Variants in SLC19A2 observed in about 807,000 individuals in gnomAD.
SLC19A2 encodes the protein thiamine transporter 1.
SLC19A2 carries 27 observed loss-of-function variants against 44.7 expected under a neutral mutation model. That is an observed-to-expected ratio of 0.60 (90% CI 0.45 to 0.83). The LOEUF is 0.83. Among genes scored for constraint, SLC19A2 ranks in the 40% least tolerant of loss-of-function variants. The pLI is 0.00. For synonymous variants in SLC19A2, 239 were observed against 243.6 expected (o/e 0.98, Z 0.18); for missense variants, 566 against 613.7 (o/e 0.92, Z 0.82).
intron 2 of SLC19A2, 36 bp from the exon 3 acceptor site, chr1:169,470,222 T>C: frequency 6.3e-7 from 1 of 1,578,696 alleles, no homozygotes; most frequent in Non-Finnish European, 8.7e-7. Flanking sequence ...CAAACTCTGA[T>C]GAAGGCAATT....
rs59833853 is a variant in SLC19A2 at position 169,471,463 on chromosome 1, C to CCACACA, written c.808-1283_808-1278dup. Among the ~76,000 whole-genome samples the CCACACA allele has an allele frequency of 8.6e-4, 102 of 118,064 alleles. 2 individuals are homozygous for CCACACA. Among genetic ancestry groups the CCACACA allele is most frequent in the Middle Eastern group, 4.0e-3 (1 of 252 alleles). The allele number at this position is 118,064 out of a possible 152,430, so 77.5% of individuals were successfully genotyped here. A position where few individuals can be genotyped will look rare whatever the true frequency, so the allele number is the denominator to read the frequency against. ...TGGGCAACATAGTAAGATCCCGTCT[C>CCACACA]CACACACACACACACACACACACAC... On this transcript the variant is annotated intron_variant, in intron 2 of 5. Transcript: ENST00000236137.
chr1:169,468,444 T>C (rs1658088347), intron 4 of SLC19A2, 192 bp from the exon 5 acceptor site: 1 of 689,258 alleles, frequency 1.5e-6, no homozygotes. Flanking sequence ...CTGAAAACAG[T>C]AGGAACATAC....
intron 1 of SLC19A2, among the ~76,000 whole-genome samples, chr1:169,483,068 G>C (rs1380337150): frequency 6.6e-6 from 1 of 152,188 alleles, no homozygotes. Context: ...ATTTTAGCCT[G>C]CTTAAAACTT....
chr1:169,481,089 A>G (rs1658433187), intron 1 of SLC19A2, among the ~76,000 whole-genome samples: 1 of 152,214 alleles, frequency 6.6e-6, no homozygotes, highest in Admixed American at 6.5e-5. Context: ...CTCCTTTAAA[A>G]GACATCAACC....
intron 1 of SLC19A2, among the ~76,000 whole-genome samples, chr1:169,482,331 G>A (rs1658460993): frequency 1.3e-5 from 2 of 152,070 alleles, no homozygotes; most frequent in South Asian, 4.1e-4. Context: ...CTTGAGGCCA[G>A]GGGTTCAAAA....
chr1:169,479,823 A>C (rs1298371410), intron 1 of SLC19A2, among the ~76,000 whole-genome samples: 2 of 152,350 alleles, frequency 1.3e-5, no homozygotes, highest in East Asian at 3.9e-4. Flanking sequence ...GACCAATAGT[A>C]ACTTTCTTTT....
chr1:169,478,154 C>A (rs976585601), intron 1 of SLC19A2, among the ~76,000 whole-genome samples: 3 of 151,904 alleles, frequency 2.0e-5, no homozygotes, highest in Admixed American at 2.0e-4. Flanking sequence ...TGAGGAGCCT[C>A]CCAAAGCGCT....
rs868715909 is a variant in SLC19A2 at position 169,485,631 on chromosome 1, G to A, written c.136C>T (p.Leu46Phe). ...LLCAYGFFAS[L>F]RPSEPFLTPY... is the part of the protein sequence containing the mutation. ...GTCAGGAAGGGCTCGGACGGCCTGA[G>A]GCTGGCGAAGAAGCCGTAGGCGCAG... Residue 46 changes from leucine to phenylalanine, a missense_variant, in exon 1 of 6, where the codon CTC becomes TTC. Physicochemically the swap from Leu to Phe is conservative, Grantham distance 22. Coordinates refer to ENST00000236137, the MANE Select transcript of SLC19A2 (RefSeq NM_006996.3). 6.4e-7 allele frequency: 1 copy of A among 1,563,792 alleles called. No homozygotes were observed. Among genetic ancestry groups the A allele is most frequent in the Non-Finnish European group, 8.7e-7 (1 of 1,154,504 alleles).
chr1:169,485,402 A>T (rs1053428384), intron 1 of SLC19A2, among the ~76,000 whole-genome samples, 161 bp downstream of exon 1: 1 of 152,224 alleles, frequency 6.6e-6, no homozygotes, highest in Non-Finnish European at 1.5e-5. Context: ...AAAACAGAAA[A>T]TCATGAACAC....
chr1:169,478,523 ATTTTTTTTTTTTTTTTTT>A (rs35141285), intron 1 of SLC19A2, among the ~76,000 whole-genome samples: 1 of 66,608 alleles, frequency 1.5e-5, no homozygotes, highest in Admixed American at 2.3e-4. Context: ...CAACCAGCTA[ATTTTTTTTTTTTTTTTTT>A]TTTTTTTTTT....
chr1:169,474,012 CT>C (rs1286055857), intron 2 of SLC19A2: 4 of 152,088 alleles, frequency 2.6e-5, no homozygotes, highest in African/African-American at 9.7e-5. Flanking sequence ...AATTAAGTAA[CT>C]TGCCCAAGTA....
chr1:169,479,393 G>T (rs2101782806), intron 1 of SLC19A2, among the ~76,000 whole-genome samples: 1 of 152,264 alleles, frequency 6.6e-6, no homozygotes, highest in South Asian at 2.1e-4. Flanking sequence ...TAGTAGAAAT[G>T]ATCTTTAAAA....
At position 169,477,682 on chromosome 1, in the gene SLC19A2, A is replaced by T; in HGVS notation, c.280T>A (p.Tyr94Asn). 6.2e-7 allele frequency: 1 copy of T among 1,614,002 alleles called. No homozygotes were observed. Among genetic ancestry groups the T allele is most frequent in the Non-Finnish European group, 8.5e-7 (1 of 1,179,972 alleles). Residue 94 changes from tyrosine (Y) to asparagine (N), a missense_variant, in exon 2 of 6, where the codon TAC becomes AAC. Coordinates refer to ENST00000236137, the MANE Select transcript of SLC19A2 (RefSeq NM_006996.3). ...LLFPVFLATDYLRYKPVVLLQ... is the reference protein window; with the variant it reads ...LLFPVFLATDNLRYKPVVLLQ... ...AGAACAACAGGTTTATAACGGAGGTAGTCTGTGGCAAGGAACACAGGAAAC... is the reference window on the plus strand; with the variant it reads ...AGAACAACAGGTTTATAACGGAGGTTGTCTGTGGCAAGGAACACAGGAAAC...
intron 1 of SLC19A2, 67 bp downstream of exon 1, chr1:169,485,496 C>T: frequency 6.6e-7 from 1 of 1,524,498 alleles, no homozygotes; most frequent in Non-Finnish European, 8.9e-7. Context: ...TCGGTCCTCT[C>T]TTCCTCCGCT....
intron 1 of SLC19A2, among the ~76,000 whole-genome samples, chr1:169,482,228 A>T (rs1369763315): frequency 5.3e-5 from 8 of 150,342 alleles, no homozygotes; most frequent in Admixed American, 1.3e-4. Context: ...AATTAAAATT[A>T]AAAAATTTAA....
Position 169,471,221 on chromosome 1 carries a change from G to A in SLC19A2, c.808-1035C>T, listed in dbSNP as rs142827403. Among the ~76,000 whole-genome samples, 42 of 152,066 alleles carry A rather than the reference G, an allele frequency of 2.8e-4. No individual in the cohort carries two copies. The East Asian group carries it at 6.4e-3, about 23-fold the overall frequency. ...ATTTCATTTACTATAAAATGTATAC[G>A]TACATATGTATATAGGAAAAGAGAT... On this transcript the variant is annotated intron_variant, in intron 2 of 5. Coordinates refer to ENST00000236137, the MANE Select transcript of SLC19A2 (RefSeq NM_006996.3).
rs1658076107 is a variant in SLC19A2, at chr1:169,468,111, C to T, written c.1365G>A (p.Gln455=). 1 of 1,613,876 alleles carries T rather than the reference C, an allele frequency of 6.2e-7. No homozygotes were observed. The highest frequency in any genetic ancestry group is 8.5e-7 in the Non-Finnish European group (1 of 1,179,844). The change falls in exon 5 of 6, where the codon CAG becomes CAA. Residue 455 remains glutamine (Q), a splice_region_variant and synonymous_variant. Transcript: ENST00000236137. The stretch of plus-strand genomic sequence containing the variant: ...TTCGATGCCAAAGGAGAGATCTTAC[C>T]TGAGTGGTAATTTCTAATCCAAGGC... ...ASGLGLEITT[Q]FLIYASYFAL... is the part of the protein sequence containing the mutation.
chr1:169,471,705 TACAC>T (rs1259926861), intron 2 of SLC19A2, among the ~76,000 whole-genome samples: 1 of 144,914 alleles, frequency 6.9e-6, no homozygotes, highest in Non-Finnish European at 1.5e-5. Flanking sequence ...TGTGTATATA[TACAC>T]ACACACCATA....
At position 169,468,362 on chromosome 1, in the gene SLC19A2, TCTA is replaced by T. The variant is rs1404629566; in HGVS notation, c.1224-113_1224-111del. ...TCTTTAAACATGAAGAGTCCTTCTT[TCTA>T]CTGTCAATTGCCTTTCCAACCAAAT... is the stretch of plus-strand genomic sequence containing the variant. On this transcript the variant is annotated intron_variant, in intron 4 of 5. Coordinates refer to ENST00000236137, the MANE Select transcript of SLC19A2 (RefSeq NM_006996.3). The T allele has an allele frequency of 6.3e-6, 6 of 948,694 alleles. No individual in the cohort carries two copies. The East Asian group carries it at 1.1e-4, about 17-fold the overall frequency. The allele number at this position is 948,694 out of a possible 1,614,324, so 58.8% of individuals were successfully genotyped here.
Sources: gnomAD v4.1 joint callset for allele counts (sites outside exome capture counted in the v4.1 genomes callset) on GRCh38, gnomAD v4.1.1 for gene constraint, MANE v1.5 for transcripts, NCBI Gene and HGNC (gene_info 2026-07-23, HGNC 2026-07-21) for gene names.